The following PTPRD variants were observed in gnomAD, a reference collection of about 807,000 sequenced individuals.
PTPRD encodes the protein protein tyrosine phosphatase receptor type D, also known as receptor-type tyrosine-protein phosphatase delta.
In PTPRD, 34 loss-of-function variants were observed where a neutral mutation model predicts 214.5. The observed-to-expected ratio is 0.16, with a 90% CI of 0.12 to 0.21. PTPRD has a LOEUF of 0.21. Ranked by LOEUF, PTPRD falls within the 10% of genes least tolerant of loss-of-function variation. The pLI, the probability that PTPRD is intolerant of heterozygous loss-of-function variation, is 1.00. For synonymous variants in PTPRD, 1,128 were observed against 845.7 expected, an observed-to-expected ratio of 1.33 and a Z score of -5.79; for missense variants, 2,545 against 2,398.7, an observed-to-expected ratio of 1.06 and a Z score of -1.27.
At chr9:9,242,850 A>T (rs1217437256) in intron 9 of PTPRD, among the ~76,000 whole-genome samples, 4 of 152,266 alleles carry the variant, frequency 2.6e-5, no homozygotes, top group African/African-American at 7.2e-5. Flanking sequence ...TGTCAAAGTC[A>T]TTCTCTGTCC....
intron 37 of PTPRD, among the ~76,000 whole-genome samples, chr9:8,380,517 C>T (rs991250): frequency 0.21 from 32,188 of 152,078 alleles, 5,207 homozygotes; most frequent in East Asian, 0.49. Context: ...CATTTCTTTT[C>T]ATTATCACAA....
intron 3 of PTPRD, among the ~76,000 whole-genome samples, chr9:10,158,398 A>T (rs13296704): frequency 2.0e-5 from 3 of 152,090 alleles, no homozygotes; most frequent in African/African-American, 7.2e-5. Context: ...TCAGCCATGC[A>T]TTTTAGTGAT....
chr9:10,468,816 C>A (rs1029087838), intron 2 of PTPRD, among the ~76,000 whole-genome samples: 2 of 151,690 alleles, frequency 1.3e-5, no homozygotes, highest in Non-Finnish European at 2.9e-5. Flanking sequence ...ACTAGGAAGG[C>A]AAAAATGGTG....
At chr9:10,494,198 C>T (rs776995816) in intron 2 of PTPRD, among the ~76,000 whole-genome samples, 1 of 151,778 alleles carries the variant, frequency 6.6e-6, no homozygotes, top group African/African-American at 2.4e-5. Flanking sequence ...TAAGCAATAT[C>T]CTCTAAAGAT....
intron 39 of PTPRD, 31 bp downstream of exon 39, chr9:8,375,905 T>G (rs200797537): frequency 1.3e-5 from 21 of 1,594,218 alleles, no homozygotes; most frequent in Non-Finnish European, 1.6e-5. Context: ...GCTTTCTGTT[T>G]CCTGACTGCA....
At chr9:9,143,304 A>G (rs957154) in intron 10 of PTPRD, among the ~76,000 whole-genome samples, 100,181 of 152,116 alleles carry the variant, frequency 0.66, 33,484 homozygotes, top group African/African-American at 0.76. Context: ...GCTTAAAGTC[A>G]CACAGCTGGT....
chr9:9,953,289 G>A (rs976982233), intron 4 of PTPRD, among the ~76,000 whole-genome samples: 2 of 152,010 alleles, frequency 1.3e-5, no homozygotes, highest in Non-Finnish European at 1.5e-5. Flanking sequence ...ATCAGTTATA[G>A]GCATGAACAG....
chr9:10,073,062 G>A (rs71497173), intron 3 of PTPRD, among the ~76,000 whole-genome samples: 1 of 151,990 alleles, frequency 6.6e-6, no homozygotes, highest in Admixed American at 6.6e-5. Context: ...AGCCAAACCA[G>A]TCCAAAATGG....
chr9:8,592,898 T>A (rs1046712723), intron 14 of PTPRD, among the ~76,000 whole-genome samples: 1 of 152,086 alleles, frequency 6.6e-6, no homozygotes, highest in Non-Finnish European at 1.5e-5. Context: ...TCGTGAAGGA[T>A]AGGTAGAGGT....
At chr9:8,449,072 G>C (rs1056086813) in intron 34 of PTPRD, among the ~76,000 whole-genome samples, 4 of 152,126 alleles carry the variant, frequency 2.6e-5, no homozygotes, top group African/African-American at 7.2e-5. Context: ...TGTGCAGAAG[G>C]CCCCTCAGTA....
At chr9:9,859,697 CCTGAGATCTAGTCTCATACT>C (rs1471625024) in intron 5 of PTPRD, among the ~76,000 whole-genome samples, 12 of 152,268 alleles carry the variant, frequency 7.9e-5, no homozygotes, top group African/African-American at 2.9e-4. Flanking sequence ...AGTTAATGCT[CCTGAGATCTAGTCTCATACT>C]GCTGACAAAT....
intron 12 of PTPRD, among the ~76,000 whole-genome samples, chr9:8,664,640 T>A (rs1241984719): frequency 1.3e-5 from 2 of 152,202 alleles, no homozygotes; most frequent in African/African-American, 2.4e-5. Context: ...AGCTCTGGTG[T>A]TTATGGTATA....
chr9:8,326,250 A>G (rs1179178354), intron 44 of PTPRD, among the ~76,000 whole-genome samples: 1 of 152,076 alleles, frequency 6.6e-6, no homozygotes, highest in African/African-American at 2.4e-5. Flanking sequence ...TTCCATCAGT[A>G]CCTAGTTTTT....
intron 8 of PTPRD, among the ~76,000 whole-genome samples, chr9:9,398,790 A>T (rs1024466073): frequency 6.6e-6 from 1 of 151,988 alleles, no homozygotes; most frequent in African/African-American, 2.4e-5. Context: ...AGGAACAGTG[A>T]TAGATTTGCT....
rs2138865607 is a variant in PTPRD, at chr9:8,521,345, G to A, written c.893C>T (p.Ala298Val). Residue 298 changes from alanine to valine, a missense_variant, in exon 20 of 46, where the codon GCA becomes GTA. Transcript: ENST00000381196. ...VLELNDVRQS[A>V]NYTCVAMSTL... ...TGACATAGCAACACAGGTGTAATTT[G>A]CTGACTGTCTTACATCATTCAGTTC... The A allele has an allele frequency of 6.2e-7, 1 of 1,613,908 alleles. No homozygotes were observed. The highest frequency in any genetic ancestry group is 8.5e-7 in the Non-Finnish European group (1 of 1,179,908).
chr9:9,518,449 TCATATAA>T (rs1230095318), intron 8 of PTPRD, among the ~76,000 whole-genome samples: 1 of 152,032 alleles, frequency 6.6e-6, no homozygotes, highest in African/African-American at 2.4e-5. Flanking sequence ...AAAATTTCAG[TCATATAA>T]CAAAATGCAT....
At position 9,609,530 on chromosome 9, in the gene PTPRD, T is replaced by C. The variant is rs535292861; in HGVS notation, c.-286-34749A>G. 9.2e-5 allele frequency among the ~76,000 whole-genome samples: 14 copies of C among 152,278 alleles called. No individual in the cohort carries two copies. The East Asian group carries it at 2.1e-3, about 23-fold the overall frequency. On this transcript the variant is annotated intron_variant, in intron 7 of 45. Coordinates refer to ENST00000381196, the MANE Select transcript of PTPRD (RefSeq NM_002839.4). ...CAGGGTAGAGTGCAGTGGTGCAATC[T>C]TGGTTCACTGCAACCTCTGCCTCCC... is the stretch of plus-strand genomic sequence containing the variant.
At chr9:9,597,904 T>C (rs974100692) in intron 7 of PTPRD, among the ~76,000 whole-genome samples, 1 of 152,058 alleles carries the variant, frequency 6.6e-6, no homozygotes, top group Non-Finnish European at 1.5e-5. Flanking sequence ...GAATAAAATC[T>C]TTCCCTAATT....
At chr9:8,479,515 A>G (rs1311477989) in intron 30 of PTPRD, among the ~76,000 whole-genome samples, 2 of 152,214 alleles carry the variant, frequency 1.3e-5, no homozygotes, top group East Asian at 1.9e-4. Context: ...ATAGAAGCGG[A>G]AAGTGCATAA....
Sources: allele counts gnomAD v4.1 joint callset (sites outside exome capture counted in the v4.1 genomes callset), GRCh38; gene constraint gnomAD v4.1.1; transcripts MANE v1.5; gene names NCBI Gene and HGNC (gene_info 2026-07-23, HGNC 2026-07-21).